The following MYL1 variants were observed in gnomAD, a reference collection of about 807,000 sequenced individuals.
The protein encoded by MYL1 is myosin light chain 1, also known as myosin light chain 1/3, skeletal muscle isoform.
MYL1 carries 16 observed loss-of-function variants against 21.8 expected under a neutral mutation model. The observed-to-expected ratio is 0.74, with a 90% CI of 0.50 to 1.12. MYL1 has a LOEUF of 1.12. Ranked by LOEUF, MYL1 falls within the 50% of genes most tolerant of loss-of-function variation. MYL1 has a pLI of 0.00. For missense variants in MYL1, 246 were observed against 241.0 expected (o/e 1.02, Z -0.14); for synonymous variants, 99 against 85.2 (o/e 1.16, Z -0.89).
chr2:210,301,869 C>T (rs571993531), intron 2 of MYL1, among the ~76,000 whole-genome samples: 1 of 152,116 alleles, frequency 6.6e-6, no homozygotes, highest in Non-Finnish European at 1.5e-5. Context: ...GATTTTGCTC[C>T]TATCACTAAT....
intron 6 of MYL1, 77 bp downstream of exon 6, chr2:210,290,955 A>G: frequency 1.1e-6 from 1 of 910,902 alleles, no homozygotes; most frequent in Middle Eastern, 2.6e-4. Context: ...TCTATAGCAT[A>G]TAAACTGAAG....
chr2:210,309,422 A>G (rs1030164959), intron 1 of MYL1, among the ~76,000 whole-genome samples: 1 of 152,014 alleles, frequency 6.6e-6, no homozygotes, highest in Non-Finnish European at 1.5e-5. Context: ...ATCTTTAGGG[A>G]TACTTTTCTT....
chr2:210,304,915 G>A (rs1022749029), intron 1 of MYL1, among the ~76,000 whole-genome samples: 9 of 152,268 alleles, frequency 5.9e-5, no homozygotes, highest in African/African-American at 1.9e-4. Context: ...TGAAAATAGC[G>A]GGCAACTCCC....
intron 1 of MYL1, among the ~76,000 whole-genome samples, chr2:210,307,574 A>G (rs960426522): frequency 2.0e-5 from 3 of 151,874 alleles, no homozygotes; most frequent in African/African-American, 7.3e-5. Flanking sequence ...CCAATCCCCA[A>G]TTTGTTCTTT....
chr2:210,313,509 C>A (rs930959103), intron 1 of MYL1, among the ~76,000 whole-genome samples: 10 of 151,916 alleles, frequency 6.6e-5, no homozygotes, highest in Non-Finnish European at 1.0e-4. Flanking sequence ...TGCATGCAGT[C>A]CTCAAGTTAG....
chr2:210,292,557 AT>A (rs35943746), intron 5 of MYL1, among the ~76,000 whole-genome samples: 70,120 of 146,520 alleles, frequency 0.48, 16,357 homozygotes, highest in Middle Eastern at 0.65. Flanking sequence ...TATTAATTGA[AT>A]TTTTTTTTTT....
At chr2:210,304,157 T>C (rs914105208) in intron 1 of MYL1, among the ~76,000 whole-genome samples, 1 of 152,192 alleles carries the variant, frequency 6.6e-6, no homozygotes, top group Non-Finnish European at 1.5e-5. Flanking sequence ...GACAATCTGG[T>C]CAGGTCTTTC....
chr2:210,314,326 T>C (rs1690457644), intron 1 of MYL1, among the ~76,000 whole-genome samples: 1 of 152,200 alleles, frequency 6.6e-6, no homozygotes, highest in Non-Finnish European at 1.5e-5. Context: ...ACTGAAACAC[T>C]TGAGTGCATA....
chr2:210,303,726 T>C, intron 1 of MYL1: 1 of 699,598 alleles, frequency 1.4e-6, no homozygotes, highest in Non-Finnish European at 2.2e-6. Context: ...TTCTTTAGCT[T>C]TCTTAGGGCA....
rs1371258714 is a variant in MYL1, at chr2:210,294,295, C to T, written c.428G>A (p.Gly143Asp). The T allele has an allele frequency of 1.2e-5, 19 of 1,613,840 alleles. No homozygotes were observed. Among genetic ancestry groups the T allele is most frequent in the South Asian group, 4.4e-5 (4 of 91,080 alleles). ...TTCAGCACCCATGACTGTGCCATTG[C>T]CTTCCTTGTCAAAGACACGCAGACC... The part of the protein sequence containing the change: ...VEGLRVFDKE[G>D]NGTVMGAELR... Residue 143 changes from glycine to aspartate, a missense_variant, in exon 4 of 7, where the codon GGC (glycine) becomes GAC (aspartate). Transcript: ENST00000352451.
intron 1 of MYL1, chr2:210,303,628 G>T (rs911653625): frequency 3.2e-6 from 5 of 1,566,628 alleles, no homozygotes; most frequent in Non-Finnish European, 4.3e-6. Flanking sequence ...GGTCATCCCT[G>T]GCTGAGGCTT....
rs762198185 is a variant in MYL1, at chr2:210,314,460, A to G, written c.132+451T>C. Among the ~76,000 whole-genome samples, 135 of 152,290 alleles carry G rather than the reference A, an allele frequency of 8.9e-4. 3 individuals are homozygous for G. The highest frequency in any genetic ancestry group is 1.7e-3 in the Non-Finnish European group (114 of 68,016). On this transcript the variant is annotated intron_variant, in intron 1 of 6. Transcript: ENST00000352451. ...AAGAAGGAAAGTAACTGTCAAATAC[A>G]TAAAGGACAACCGGGCCATCAGCTG...
intron 1 of MYL1, among the ~76,000 whole-genome samples, chr2:210,305,451 ATCTTAT>A (rs1690329343): frequency 6.6e-6 from 1 of 152,136 alleles, no homozygotes; most frequent in African/African-American, 2.4e-5. Flanking sequence ...AAGATTTGGA[ATCTTAT>A]AATTTTTGAC....
rs191023277 is a variant in MYL1 at position 210,304,567 on chromosome 2, G to A, written c.133-2052C>T. ...ATTTTATTTTATTATTTTTGAGACA[G>A]AGTCTTGCTCTGTCACCCTGGCTGG... On this transcript the variant is annotated intron_variant, in intron 1 of 6. Coordinates refer to ENST00000352451, the MANE Select transcript of MYL1 (RefSeq NM_079420.3). 9.3e-4 allele frequency among the ~76,000 whole-genome samples: 142 copies of A among 152,302 alleles called. No individual in the cohort carries two copies. The Middle Eastern group carries it at 0.01, about 11-fold the overall frequency.
chr2:210,293,375 T>C (rs1690111064), intron 5 of MYL1, among the ~76,000 whole-genome samples: 1 of 152,250 alleles, frequency 6.6e-6, no homozygotes, highest in Non-Finnish European at 1.5e-5. Flanking sequence ...TTCATTTTCA[T>C]AATTGCTTCA....
intron 2 of MYL1, among the ~76,000 whole-genome samples, chr2:210,299,995 T>C (rs969616299): frequency 6.6e-6 from 1 of 152,182 alleles, no homozygotes; most frequent in African/African-American, 2.4e-5. Flanking sequence ...TACCATTATT[T>C]GTTAAAACTT....
intron 2 of MYL1, among the ~76,000 whole-genome samples, chr2:210,301,228 C>T (rs781048133): frequency 6.6e-5 from 10 of 152,068 alleles, no homozygotes; most frequent in Non-Finnish European, 1.5e-4. Context: ...GGTAGAATCA[C>T]CAACTGTTTT....
At chr2:210,308,720 T>G (rs1480746754) in intron 1 of MYL1, among the ~76,000 whole-genome samples, 1 of 151,912 alleles carries the variant, frequency 6.6e-6, no homozygotes, top group East Asian at 1.9e-4. Flanking sequence ...AAGCACAACC[T>G]GTTATACTTT....
intron 1 of MYL1, among the ~76,000 whole-genome samples, chr2:210,310,525 A>G (rs1332732495): frequency 6.6e-6 from 1 of 152,118 alleles, no homozygotes; most frequent in Non-Finnish European, 1.5e-5. Context: ...AAAAAAACTC[A>G]GTTTCATTAT....
Sources: allele counts gnomAD v4.1 joint callset (sites outside exome capture counted in the v4.1 genomes callset), GRCh38; gene constraint gnomAD v4.1.1; transcripts MANE v1.5; gene names NCBI Gene and HGNC (gene_info 2026-07-23, HGNC 2026-07-21).